PSMA7: variants seen among roughly 807,000 people sequenced by gnomAD.
PSMA7 encodes the protein proteasome 20S subunit alpha 7, also known as proteasome subunit alpha type-7.
PSMA7 carries 5 observed loss-of-function variants against 31.3 expected under a neutral mutation model. The ratio of observed to expected loss-of-function variants is 0.16; its 90% CI spans 0.08 to 0.34. The LOEUF is 0.34. PSMA7 is among the 10% of genes least tolerant of loss of function. The pLI, the probability that PSMA7 is intolerant of heterozygous loss-of-function variation, is 1.00. For synonymous variants in PSMA7, 155 were observed against 121.9 expected (o/e 1.27, Z -1.79); for missense variants, 217 against 327.5 (o/e 0.66, Z 2.60).
chr20:62,138,031 C>T lies in PSMA7; in HGVS notation c.591+140G>A, dbSNP rs1215908401. The T allele has an allele frequency of 2.6e-6, 3 of 1,149,652 alleles. No homozygotes were observed. The African/African-American group carries it at 4.6e-5, about 17-fold the overall frequency. The allele number at this position is 1,149,652 out of a possible 1,614,324, so 71.2% of individuals were successfully genotyped here. A position where few individuals can be genotyped will look rare whatever the true frequency, so the allele number is the denominator to read the frequency against. ...ACAGCAGTTAGGATACACCATAGAC[C>T]AGAGCAGTGCCTGGAACACAGCAGT... is the stretch of plus-strand genomic sequence containing the variant. On this transcript the variant is annotated intron_variant, in intron 5 of 6. Coordinates refer to ENST00000370873, the MANE Select transcript of PSMA7 (RefSeq NM_002792.4).
Position 62,138,221 on chromosome 20 carries a change from T to C in PSMA7, c.541A>G (p.Ile181Val), listed in dbSNP as rs1406676695. ...FLEKNYTDEAIETDDLTIKLV... is the reference protein window; with the variant it reads ...FLEKNYTDEAVETDDLTIKLV... ...TTAATGGTCAGATCATCTGTTTCAA[T>C]GGCTTCGTCAGTATAGTTCTTCTCC... is the stretch of plus-strand genomic sequence containing the variant. The change falls in exon 5 of 7, where the codon ATT becomes GTT. Residue 181 changes from isoleucine to valine, a missense_variant. Coordinates refer to ENST00000370873, the MANE Select transcript of PSMA7 (RefSeq NM_002792.4). 6.2e-7 allele frequency: 1 copy of C among 1,614,246 alleles called. No individual in the cohort carries two copies. The highest frequency in any genetic ancestry group is 1.1e-5 in the South Asian group (1 of 91,090).
chr20:62,142,560 G>C (rs1303092896), intron 1 of PSMA7: 1 of 152,180 alleles, frequency 6.6e-6, no homozygotes, highest in Non-Finnish European at 1.5e-5. Context: ...TCGTCAAAAC[G>C]AAACGGCCGC....
At chr20:62,143,115 C>T (rs1490834655) in intron 1 of PSMA7, 93 bp downstream of exon 1, 1 of 799,042 alleles carries the variant, frequency 1.3e-6, no homozygotes, top group Non-Finnish European at 1.5e-6. Flanking sequence ...CCCGCGGGCG[C>T]CCACAGCGCC....
rs368558187 is a variant in PSMA7 at position 62,139,826 on chromosome 20, C to T, written c.303G>A (p.Pro101=). 1.1e-5 allele frequency: 18 copies of T among 1,613,964 alleles called. No individual in the cohort carries two copies. The highest frequency in any genetic ancestry group is 1.5e-5 in the Non-Finnish European group (18 of 1,180,040). ...CQSHRLTVED[P]VTVEYITRYI... is the part of the protein sequence containing the mutation. The stretch of plus-strand genomic sequence containing the variant: ...AGCGGGTGATGTACTCCACAGTGAC[C>T]GGGTCCTCCACAGTCAGCCGGTGGC... The change falls in exon 3 of 7, where the codon CCG becomes CCA. Residue 101 remains proline, a synonymous_variant. Transcript: ENST00000370873.
chr20:62,138,171 T>C lies in PSMA7; in HGVS notation c.591A>G (p.Glu197=). 2 of 1,614,212 alleles carry C rather than the reference T, an allele frequency of 1.2e-6. No individual in the cohort carries two copies. The highest frequency in any genetic ancestry group is 1.7e-5 in the Admixed American group (1 of 60,032). The change falls in exon 5 of 7, where the codon GAA becomes GAG. Residue 197 remains glutamate (E), a splice_region_variant and synonymous_variant. Transcript: ENST00000370873. ...TIKLVIKALL[E]VVQSGGKNIE... is the part of the protein sequence containing the mutation. Reference sequence around the variant, plus strand: ...GCCTGGATTCCAAATGCAAACTTACTTCCAGGAGTGCCTTGATCACCAGCT... The same window carrying C: ...GCCTGGATTCCAAATGCAAACTTACCTCCAGGAGTGCCTTGATCACCAGCT...
At position 62,139,802 on chromosome 20, in the gene PSMA7, G is replaced by A. The variant is rs766372619; in HGVS notation, c.327C>T (p.Arg109=). Residue 109 remains arginine (R), a synonymous_variant, in exon 3 of 7, where the codon CGC becomes CGT. Coordinates refer to ENST00000370873, the MANE Select transcript of PSMA7 (RefSeq NM_002792.4). ...EDPVTVEYIT[R]YIASLKQRYT... The stretch of plus-strand genomic sequence containing the variant: ...CCACCTGCTTCAGACTGGCGATGTA[G>A]CGGGTGATGTACTCCACAGTGACCG... 1.2e-6 allele frequency: 2 copies of A among 1,614,118 alleles called. No homozygotes were observed. The highest frequency in any genetic ancestry group is 2.2e-5 in the South Asian group (2 of 91,088).
At chr20:62,137,474 G>T (rs375174043) in intron 5 of PSMA7, 48 bp from the exon 6 acceptor site, 18 of 1,576,612 alleles carry the variant, frequency 1.1e-5, no homozygotes, top group Non-Finnish European at 1.4e-5. Flanking sequence ...CCCTATTCAA[G>T]ACAAAAGCAG....
At chr20:62,137,021 G>A in intron 6 of PSMA7, 72 bp from the exon 7 acceptor site, 2 of 1,566,592 alleles carry the variant, frequency 1.3e-6, no homozygotes, top group African/African-American at 1.4e-5. Context: ...TTCTGGGGAG[G>A]GCGGCCAGGC....
chr20:62,142,209 G>A (rs901282461), intron 1 of PSMA7, among the ~76,000 whole-genome samples: 6 of 152,166 alleles, frequency 3.9e-5, no homozygotes, highest in Admixed American at 3.3e-4. Context: ...CTGACTCGAG[G>A]CCCAGAGAAG....
chr20:62,138,550 A>ATT (rs59188263), intron 4 of PSMA7, among the ~76,000 whole-genome samples: 60 of 126,336 alleles, frequency 4.7e-4, no homozygotes, highest in Admixed American at 9.4e-4. Context: ...GCAATGGGAG[A>ATT]TTTTTTTTTT....
In PSMA7 at chr20:62,141,077, C is replaced by G. The variant is rs1028720061; in HGVS notation, c.97-133G>C. The G allele has an allele frequency of 3.5e-5, 40 of 1,145,874 alleles. No individual in the cohort carries two copies. In the African/African-American group the frequency reaches 5.3e-4, roughly 15 times the overall value. 71.0% of individuals were successfully genotyped at this position (1,145,874 alleles called of 1,614,324 possible). On this transcript the variant is annotated intron_variant, in intron 1 of 6. Coordinates refer to ENST00000370873, the MANE Select transcript of PSMA7 (RefSeq NM_002792.4). ...TTAAATTCAAGAGTTCAAGACCAGC[C>G]GGACAACATGGGAAAACCCTGTCTC...
At chr20:62,138,313 C>T (rs1159747343) in intron 4 of PSMA7, 23 bp from the exon 5 acceptor site, 1 of 1,582,284 alleles carries the variant, frequency 6.3e-7, no homozygotes, top group Non-Finnish European at 8.6e-7. Flanking sequence ...CGTATGTTCT[C>T]ACGTGGCATA....
chr20:62,143,226 G>A lies in PSMA7; in HGVS notation c.78C>T (p.Val26=). The change falls in exon 1 of 7, where the codon GTC becomes GTT. Residue 26 remains valine (V), a synonymous_variant. Coordinates refer to ENST00000370873, the MANE Select transcript of PSMA7 (RefSeq NM_002792.4). ...LFQVEYAQEA[V]KKGSTAVGVR... ...GCCTCACCGCGGTCGAGCCCTTCTT[G>A]ACGGCCTCCTGCGCGTACTCCACTT... The A allele has an allele frequency of 6.9e-7, 1 of 1,443,866 alleles. No individual in the cohort carries two copies. Among genetic ancestry groups the A allele is most frequent in the Non-Finnish European group, 9.2e-7 (1 of 1,091,712 alleles). 89.4% of individuals were successfully genotyped at this position (1,443,866 alleles called of 1,614,324 possible).
rs1166127642 is a variant in PSMA7 at position 62,140,989 on chromosome 20, C to T, written c.97-45G>A. 6.8e-6 allele frequency: 11 copies of T among 1,609,878 alleles called. 1 individual carries two copies. In the South Asian group the frequency reaches 9.9e-5, roughly 14 times the overall value. Reference sequence around the variant, plus strand: ...ACCACGTAAGAAAGTGATATGAGTGCTGGGTGCAGTGGCTCATGCCTGTTA... The same window carrying T: ...ACCACGTAAGAAAGTGATATGAGTGTTGGGTGCAGTGGCTCATGCCTGTTA... On this transcript the variant is annotated intron_variant, in intron 1 of 6. Transcript: ENST00000370873.
At chr20:62,139,994 A>C in intron 2 of PSMA7, 89 bp from the exon 3 acceptor site, 1 of 1,483,390 alleles carries the variant, frequency 6.7e-7, no homozygotes, top group East Asian at 2.4e-5. Flanking sequence ...TTAACCTTCC[A>C]CAGACCCCCC....
chr20:62,140,683 T>A lies in PSMA7; in HGVS notation c.223+135A>T, dbSNP rs1044010245. ...AAACTAGCCAACTTAAAAGTCCAAATCCAATTCTTTTAAATGATTTTCATT... is the reference window on the plus strand; with the variant it reads ...AAACTAGCCAACTTAAAAGTCCAAAACCAATTCTTTTAAATGATTTTCATT... On this transcript the variant is annotated intron_variant, in intron 2 of 6. Transcript: ENST00000370873. 3 of 1,189,776 alleles carry A rather than the reference T, an allele frequency of 2.5e-6. No homozygotes were observed. In the African/African-American group the frequency reaches 4.7e-5, roughly 19 times the overall value. 73.7% of individuals were successfully genotyped at this position (1,189,776 alleles called of 1,614,324 possible). A position where few individuals can be genotyped will look rare whatever the true frequency, so the allele number is the denominator to read the frequency against.
intron 3 of PSMA7, chr20:62,139,543 TATC>T (rs2056914631): frequency 1.3e-6 from 1 of 769,528 alleles, no homozygotes; most frequent in Non-Finnish European, 2.1e-6. Flanking sequence ...AGACAAAAGC[TATC>T]ATTTCCCTCC....
chr20:62,140,935 G>C lies in PSMA7; in HGVS notation c.106C>G (p.Arg36Gly). 6.2e-7 allele frequency: 1 copy of C among 1,614,036 alleles called. No homozygotes were observed. The highest frequency in any genetic ancestry group is 8.5e-7 in the Non-Finnish European group (1 of 1,180,006). Residue 36 changes from arginine (R) to glycine (G), a missense_variant, in exon 2 of 7, where the codon CGA becomes GGA. Arg to Gly is a moderately radical substitution (Grantham distance 125). Around this residue, in one of 3 missense-constraint regions of PSMA7, gnomAD observed 76 missense variants for 96.5 expected, o/e 0.79. Transcript: ENST00000370873. ...VKKGSTAVGVRGRDIVVLGVE... is the reference protein window; with the variant it reads ...VKKGSTAVGVGGRDIVVLGVE... The stretch of plus-strand genomic sequence containing the variant: ...CCAAGAACAACAATGTCTCTTCCTC[G>C]AACACCAACCTTTAATTAAGATCCA...
intron 2 of PSMA7, among the ~76,000 whole-genome samples, chr20:62,140,414 A>T (rs1258175572): frequency 6.6e-6 from 1 of 152,230 alleles, no homozygotes; most frequent in African/African-American, 2.4e-5. Flanking sequence ...CAGCGCTGAG[A>T]ACATGGCGAG....
Sources: allele counts gnomAD v4.1 joint callset (sites outside exome capture counted in the v4.1 genomes callset), GRCh38; gene constraint gnomAD v4.1.1; regional missense constraint gnomAD v4.1.1; transcripts MANE v1.5; gene names NCBI Gene and HGNC (gene_info 2026-07-23, HGNC 2026-07-21).